NPLOC4: variants seen among roughly 807,000 people sequenced by gnomAD.
NPLOC4 encodes the protein nuclear protein localization protein 4 homolog.
A neutral mutation model predicts 80.6 loss-of-function variants in NPLOC4; 18 were observed. The ratio of observed to expected loss-of-function variants is 0.22; its 90% CI spans 0.15 to 0.33. The LOEUF (loss-of-function observed/expected upper bound fraction) is 0.33, where lower values mean the gene tolerates loss of function less well. Among genes scored for constraint, NPLOC4 ranks in the 10% least tolerant of loss-of-function variants. The pLI is 1.00. For missense variants in NPLOC4, 540 were observed against 786.1 expected, an observed-to-expected ratio of 0.69 and a Z score of 3.74; for synonymous variants, 313 against 301.5, an observed-to-expected ratio of 1.04 and a Z score of -0.39.
chr17:81,624,763 G>A (rs923545987), intron 2 of NPLOC4, among the ~76,000 whole-genome samples: 2 of 152,190 alleles, frequency 1.3e-5, no homozygotes, highest in African/African-American at 4.8e-5. Flanking sequence ...AGCTGAGCAG[G>A]GCCCACCCAG....
In NPLOC4 at chr17:81,613,383, C is replaced by T. The variant is rs746128172; in HGVS notation, c.321G>A (p.Glu107=). 1.2e-6 allele frequency: 2 copies of T among 1,614,020 alleles called. No homozygotes were observed. Among genetic ancestry groups the T allele is most frequent in the East Asian group, 4.5e-5 (2 of 44,886 alleles). ...FKVFGAPNVV[E]DEIDQYLSKQ... is the part of the protein sequence containing the mutation. ...TGCTGAGGTACTGATCAATCTCATC[C>T]TCCACCACGTTGGGAGCGCCAAAGA... The change falls in exon 4 of 17, where the codon GAG becomes GAA. Residue 107 remains glutamate, a synonymous_variant. Transcript: ENST00000331134.
At chr17:81,618,607 A>G (rs1307771548) in intron 3 of NPLOC4, among the ~76,000 whole-genome samples, 1 of 133,554 alleles carries the variant, frequency 7.5e-6, no homozygotes, top group East Asian at 2.6e-4. Context: ...CCGCCCAGCC[A>G]GCCGCCCGTC....
intron 12 of NPLOC4, among the ~76,000 whole-genome samples, chr17:81,576,029 A>G (rs780499431): frequency 2.0e-5 from 3 of 152,234 alleles, no homozygotes; most frequent in Non-Finnish European, 4.4e-5. Flanking sequence ...TAGCAAACAG[A>G]GCAGTTTGGT....
chr17:81,611,883 C>T (rs1029394815), intron 4 of NPLOC4, among the ~76,000 whole-genome samples: 3 of 147,826 alleles, frequency 2.0e-5, no homozygotes, highest in Non-Finnish European at 4.5e-5. Flanking sequence ...TGGCGTGAAC[C>T]GGGGGGACGC....
intron 12 of NPLOC4, among the ~76,000 whole-genome samples, chr17:81,586,644 G>A (rs1382530315): frequency 2.7e-5 from 4 of 150,398 alleles, no homozygotes; most frequent in Non-Finnish European, 4.4e-5. Context: ...AAAGTTTTAA[G>A]GTACATGGGA....
chr17:81,576,842 T>TG (rs2144085081), intron 12 of NPLOC4, among the ~76,000 whole-genome samples: 1 of 152,254 alleles, frequency 6.6e-6, no homozygotes, highest in South Asian at 2.1e-4. Flanking sequence ...GCCTGGTCCT[T>TG]GCCAGAGTCA....
At chr17:81,570,695 G>T (rs940350587) in intron 13 of NPLOC4, among the ~76,000 whole-genome samples, 3 of 152,172 alleles carry the variant, frequency 2.0e-5, no homozygotes, top group African/African-American at 4.8e-5. Flanking sequence ...ACACTGGCTG[G>T]TGCCTTTTCC....
chr17:81,620,956 G>A lies in NPLOC4; in HGVS notation c.209+1210C>T, dbSNP rs1341031557. On this transcript the variant is annotated intron_variant, in intron 3 of 16. Transcript: ENST00000331134. ...AAGGATCACTTGAGCCCAGAAGGTC[G>A]AGGCTGCAGTGAGCTACGATCGCAC... is the stretch of plus-strand genomic sequence containing the variant. 5.3e-5 allele frequency among the ~76,000 whole-genome samples: 8 copies of A among 152,112 alleles called. No homozygotes were observed. In the East Asian group the frequency reaches 9.6e-4, roughly 18 times the overall value.
At position 81,567,215 on chromosome 17, in the gene NPLOC4, ATCTT is replaced by A. The variant is rs57187961; in HGVS notation, c.1566+198_1566+201del. Among the ~76,000 whole-genome samples, 20,809 of 152,216 alleles carry A rather than the reference ATCTT, an allele frequency of 0.14. 1,946 individuals carry two copies. Among genetic ancestry groups the A allele is most frequent in the East Asian group, 0.49 (2,516 of 5,144 alleles). Reference sequence around the variant, plus strand: ...GGAAATGCTAAAGGTGAAAAAATTAATCTTTCTATCAACAAGCTTCTTGTGAAAA... The same window carrying A: ...GGAAATGCTAAAGGTGAAAAAATTAATCTATCAACAAGCTTCTTGTGAAAA... On this transcript the variant is annotated intron_variant, in intron 15 of 16. Transcript: ENST00000331134. This position sits in a 1 kb window ranked among gnomAD's most constrained non-coding sequence, Gnocchi z 4.5.
chr17:81,587,384 T>C (rs923505376), intron 12 of NPLOC4, among the ~76,000 whole-genome samples: 2 of 151,746 alleles, frequency 1.3e-5, no homozygotes, highest in African/African-American at 4.8e-5. Flanking sequence ...GGCACAATCT[T>C]GGCTCATTGC....
rs145016595 is a variant in NPLOC4 at position 81,592,128 on chromosome 17, C to A, written c.1121-3024G>T. ...AGAGGGAGAGGCGAGGCCTCCGCAT[C>A]CCAGCCAGGACCTGAGTGCTGTCGG... is the stretch of plus-strand genomic sequence containing the variant. On this transcript the variant is annotated intron_variant, in intron 11 of 16. Coordinates refer to ENST00000331134, the MANE Select transcript of NPLOC4 (RefSeq NM_017921.4). 9.1e-3 allele frequency among the ~76,000 whole-genome samples: 1,387 copies of A among 152,336 alleles called. 12 individuals are homozygous for A. The highest frequency in any genetic ancestry group is 0.013 in the Non-Finnish European group (904 of 68,028).
intron 6 of NPLOC4, 118 bp from the exon 7 acceptor site, chr17:81,606,932 G>A: frequency 1.1e-6 from 1 of 879,834 alleles, no homozygotes; most frequent in Non-Finnish European, 1.8e-6. Context: ...TAAGCACGTG[G>A]CAGCAGCAGG....
chr17:81,611,720 G>A (rs561921142), intron 4 of NPLOC4, among the ~76,000 whole-genome samples: 2 of 152,050 alleles, frequency 1.3e-5, no homozygotes, highest in East Asian at 3.9e-4. Flanking sequence ...CAGCACTTTG[G>A]GAGGCCGAGG....
chr17:81,592,820 C>T (rs1598643454), intron 11 of NPLOC4, among the ~76,000 whole-genome samples: 1 of 152,008 alleles, frequency 6.6e-6, no homozygotes, highest in African/African-American at 2.4e-5. Flanking sequence ...CCCGTCTCTA[C>T]AAAAAATACA....
intron 11 of NPLOC4, among the ~76,000 whole-genome samples, chr17:81,595,740 C>T (rs1402782622): frequency 6.6e-6 from 1 of 151,726 alleles, no homozygotes. Context: ...GATGGGGTTT[C>T]GCTATGTTGG....
At chr17:81,606,590 A>G (rs2035209753) in intron 7 of NPLOC4, 101 bp downstream of exon 7, 2 of 1,252,990 alleles carry the variant, frequency 1.6e-6, no homozygotes, top group South Asian at 1.5e-5. Context: ...CTGAAAATCC[A>G]CCACGCATAG....
At chr17:81,602,428 G>T (rs889788270) in intron 8 of NPLOC4, among the ~76,000 whole-genome samples, 6 of 152,128 alleles carry the variant, frequency 3.9e-5, no homozygotes, top group African/African-American at 1.2e-4. Context: ...AATCAGGCCG[G>T]GCGCAGTGGC....
At chr17:81,604,434 G>A (rs1346250492) in intron 8 of NPLOC4, 114 bp downstream of exon 8, 3 of 903,936 alleles carry the variant, frequency 3.3e-6, no homozygotes, top group Non-Finnish European at 5.0e-6. Flanking sequence ...GTGCACCGGT[G>A]TGTGACAAAG....
At position 81,562,931 on chromosome 17, in the gene NPLOC4, C is replaced by G. The variant is rs1282052743; in HGVS notation, c.1669+2574G>C. 2.7e-5 allele frequency: 4 copies of G among 148,706 alleles called. No individual in the cohort carries two copies. The East Asian group carries it at 5.9e-4, about 22-fold the overall frequency. The allele number at this position is 148,706 out of a possible 1,614,324, so 9.2% of individuals were successfully genotyped here. Reference sequence around the variant, plus strand: ...TCAGCCTGGGTGACAGAGTGAGAACCTGTCTCAAAAAAAAAAGGAGGGGGG... The same window carrying G: ...TCAGCCTGGGTGACAGAGTGAGAACGTGTCTCAAAAAAAAAAGGAGGGGGG... On this transcript the variant is annotated intron_variant, in intron 16 of 16. Coordinates refer to ENST00000331134, the MANE Select transcript of NPLOC4 (RefSeq NM_017921.4).
Sources: gnomAD v4.1 joint callset for allele counts (sites outside exome capture counted in the v4.1 genomes callset) on GRCh38, gnomAD v4.1.1 for gene constraint, Gnocchi (gnomAD v3.1) non-coding constraint, MANE v1.5 for transcripts, NCBI Gene and HGNC (gene_info 2026-07-23, HGNC 2026-07-21) for gene names.